SLC12A8: variants seen among roughly 807,000 people sequenced by gnomAD.
SLC12A8 encodes the protein cation-chloride cotransporter 9.
A neutral mutation model predicts 75.6 loss-of-function variants in SLC12A8; 69 were observed. The observed-to-expected ratio is 0.91, with a 90% confidence interval of 0.75 to 1.11. The LOEUF (loss-of-function observed/expected upper bound fraction) is 1.11. Ranked by LOEUF, SLC12A8 falls within the 50% of genes most tolerant of loss-of-function variation. The pLI is 0.00. For missense variants in SLC12A8, 877 were observed against 896.7 expected (o/e 0.98, Z 0.28); for synonymous variants, 365 against 372.8 (o/e 0.98, Z 0.24).
intron 5 of SLC12A8, among the ~76,000 whole-genome samples, chr3:125,160,959 G>A (rs535418003): frequency 5.3e-5 from 8 of 152,306 alleles, no homozygotes; most frequent in Non-Finnish European, 5.9e-5. Context: ...CCCGGGTTCC[G>A]GGACTCTTAA....
At chr3:125,164,205 C>A (rs551261973) in intron 5 of SLC12A8, among the ~76,000 whole-genome samples, 11 of 152,270 alleles carry the variant, frequency 7.2e-5, no homozygotes, top group African/African-American at 2.6e-4. Flanking sequence ...CAAGGGCACC[C>A]CAGAGCCAGC....
intron 10 of SLC12A8, among the ~76,000 whole-genome samples, chr3:125,106,724 G>C (rs1465170676): frequency 6.6e-6 from 1 of 152,128 alleles, no homozygotes; most frequent in South Asian, 2.1e-4. Flanking sequence ...TCTGTATATA[G>C]CTCCAGGGAG....
intron 4 of SLC12A8, among the ~76,000 whole-genome samples, chr3:125,180,582 T>C (rs1934636383): frequency 6.6e-6 from 1 of 152,070 alleles, no homozygotes; most frequent in Non-Finnish European, 1.5e-5. Flanking sequence ...TCCCAGCTGC[T>C]TGAGAGGCTG....
In SLC12A8 at chr3:125,083,923, G is replaced by C. The variant is rs200565283; in HGVS notation, c.2112C>G (p.Leu704=). The C allele has an allele frequency of 1.7e-5, 27 of 1,613,432 alleles. No homozygotes were observed. The highest frequency in any genetic ancestry group is 2.3e-5 in the Non-Finnish European group (27 of 1,179,814). Reference sequence around the variant, plus strand: ...GAGGCATCAGCTGCTCCCGGTTCACGAGGGAGGAGTGGTGGTAGCGATCCC... The same window carrying C: ...GAGGCATCAGCTGCTCCCGGTTCACCAGGGAGGAGTGGTGGTAGCGATCCC... The part of the protein sequence containing the change: ...ATRDRYHHSS[L]VNREQLMPHY The change falls in exon 14 of 14, where the codon CTC becomes CTG. Residue 704 remains leucine (L), a synonymous_variant. Transcript: ENST00000469902.
chr3:125,159,158 AGTTT>A (rs1326210896), intron 5 of SLC12A8, among the ~76,000 whole-genome samples: 3 of 152,248 alleles, frequency 2.0e-5, no homozygotes, highest in South Asian at 4.1e-4. Context: ...AAGTATGGTT[AGTTT>A]GTCATTGAAA....
chr3:125,151,718 T>C (rs528870410), intron 5 of SLC12A8, among the ~76,000 whole-genome samples: 1 of 152,260 alleles, frequency 6.6e-6, no homozygotes, highest in Non-Finnish European at 1.5e-5. Context: ...TTTAGAATCT[T>C]CCTTTGCCAA....
chr3:125,091,582 A>C, intron 11 of SLC12A8, 26 bp from the exon 12 acceptor site: 1 of 1,489,906 alleles, frequency 6.7e-7, no homozygotes, highest in South Asian at 1.1e-5. Context: ...AGGAAGAGCA[A>C]ATCACCTAAT....
At chr3:125,204,748 G>T (rs909002560) in intron 2 of SLC12A8, among the ~76,000 whole-genome samples, 5 of 152,056 alleles carry the variant, frequency 3.3e-5, no homozygotes, top group Non-Finnish European at 5.9e-5. Context: ...CTAAGACAAA[G>T]AAATGATAAA....
chr3:125,133,393 T>C (rs1254269980), intron 6 of SLC12A8, among the ~76,000 whole-genome samples: 1 of 150,688 alleles, frequency 6.6e-6, no homozygotes, highest in Non-Finnish European at 1.5e-5. Flanking sequence ...TTTTTTTTGA[T>C]ACAGGGTCTC....
chr3:125,189,140 T>C (rs950063330), intron 3 of SLC12A8, among the ~76,000 whole-genome samples: 4 of 152,212 alleles, frequency 2.6e-5, no homozygotes, highest in Non-Finnish European at 5.9e-5. Context: ...CCCTCCATAG[T>C]ATGGGTGGGC....
At chr3:125,185,369 A>AG (rs1560079537) in intron 4 of SLC12A8, among the ~76,000 whole-genome samples, 1 of 151,992 alleles carries the variant, frequency 6.6e-6, no homozygotes, top group African/African-American at 2.4e-5. Context: ...TAAAAAAAAA[A>AG]AAAGAAATGG....
intron 4 of SLC12A8, among the ~76,000 whole-genome samples, chr3:125,185,081 G>A (rs190198422): frequency 1.1e-3 from 161 of 152,294 alleles, no homozygotes; most frequent in Non-Finnish European, 1.7e-3. Flanking sequence ...AGCACTTTGG[G>A]AGGCCGAGGC....
intron 10 of SLC12A8, among the ~76,000 whole-genome samples, chr3:125,100,461 G>A (rs1938840232): frequency 6.6e-6 from 1 of 151,644 alleles, no homozygotes; most frequent in Admixed American, 6.6e-5. Context: ...AGGCTGGAGT[G>A]CAATGGCATG....
intron 2 of SLC12A8, among the ~76,000 whole-genome samples, chr3:125,200,453 AAAC>A (rs918651141): frequency 2.6e-5 from 4 of 152,176 alleles, no homozygotes; most frequent in African/African-American, 7.2e-5. Flanking sequence ...TCTCAAAGAA[AAAC>A]AACAACAACA....
chr3:125,183,459 G>T (rs779606995), intron 4 of SLC12A8, among the ~76,000 whole-genome samples: 3 of 151,968 alleles, frequency 2.0e-5, no homozygotes, highest in Non-Finnish European at 4.4e-5. Flanking sequence ...TAGCAAAATT[G>T]CACCTTGACA....
intron 10 of SLC12A8, among the ~76,000 whole-genome samples, chr3:125,097,218 C>G (rs1236165630): frequency 2.5e-5 from 3 of 118,976 alleles, no homozygotes; most frequent in Non-Finnish European, 3.9e-5. Flanking sequence ...AACCCCGTCT[C>G]TACTAAAAAA....
At chr3:125,129,305 G>A (rs1460440005) in intron 6 of SLC12A8, among the ~76,000 whole-genome samples, 2 of 152,230 alleles carry the variant, frequency 1.3e-5, no homozygotes, top group Non-Finnish European at 2.9e-5. Flanking sequence ...AAACCCTGGA[G>A]AGGAGATGTC....
intron 6 of SLC12A8, among the ~76,000 whole-genome samples, chr3:125,125,665 G>T (rs1933187529): frequency 6.6e-6 from 1 of 152,120 alleles, no homozygotes. Context: ...CACAGATGAG[G>T]CAACGGAGGC....
At chr3:125,142,902 A>G (rs1933683961) in intron 5 of SLC12A8, among the ~76,000 whole-genome samples, 1 of 152,222 alleles carries the variant, frequency 6.6e-6, no homozygotes, top group Non-Finnish European at 1.5e-5. Flanking sequence ...AGCTTCCATA[A>G]CATGCCCTCC....
Sources: allele counts gnomAD v4.1 joint callset (sites outside exome capture counted in the v4.1 genomes callset), GRCh38; gene constraint gnomAD v4.1.1; transcripts MANE v1.5; gene names NCBI Gene and HGNC (gene_info 2026-07-23, HGNC 2026-07-21).